Variants in TDRD9 observed in about 807,000 individuals in gnomAD.
The protein encoded by TDRD9 is tudor domain containing 9.
In TDRD9, 124 loss-of-function variants were observed where a neutral mutation model predicts 172.6. The observed-to-expected ratio is 0.72, with a 90% CI of 0.62 to 0.83. The LOEUF is 0.83. Among genes scored for constraint, TDRD9 ranks in the 40% least tolerant of loss-of-function variants. The probability of loss-of-function intolerance (pLI) is 0.00; values close to 1 mark genes in which losing one functional copy is unlikely to be tolerated. For synonymous variants in TDRD9, 619 were observed against 617.1 expected (o/e 1.00, Z -0.05); for missense variants, 1,479 against 1,714.1 (o/e 0.86, Z 2.42).
At chr14:104,030,311 G>C (rs551835511) in intron 28 of TDRD9, among the ~76,000 whole-genome samples, 4 of 152,158 alleles carry the variant, frequency 2.6e-5, no homozygotes, top group Non-Finnish European at 1.5e-5. Context: ...TGACCAACAC[G>C]GTGAAATCCC....
At chr14:103,983,147 T>C (rs185924368) in intron 7 of TDRD9, among the ~76,000 whole-genome samples, 3 of 139,652 alleles carry the variant, frequency 2.1e-5, no homozygotes, top group African/African-American at 8.1e-5. Flanking sequence ...CATTGTAACC[T>C]CTGCCTCCCA....
intron 34 of TDRD9, among the ~76,000 whole-genome samples, chr14:104,042,753 T>C (rs1197979010): frequency 6.6e-6 from 1 of 152,120 alleles, no homozygotes; most frequent in Non-Finnish European, 1.5e-5. Flanking sequence ...TACCCAGTCC[T>C]GTGCTCCTGC....
Position 104,006,638 on chromosome 14 carries a change from A to G in TDRD9, c.1880-8A>G, listed in dbSNP as rs368134009. 1.8e-5 allele frequency: 29 copies of G among 1,613,532 alleles called. No homozygotes were observed. The African/African-American group carries it at 3.5e-4, about 19-fold the overall frequency. ...CTTACATTCTTCTTGTTTATTTTTT[A>G]TGGTTAGCGGCAGCTCTTTCTTTGA... On this transcript the variant is annotated splice_region_variant and splice_polypyrimidine_tract_variant and intron_variant, in intron 16 of 35. Coordinates refer to ENST00000409874, the MANE Select transcript of TDRD9 (RefSeq NM_153046.3).
chr14:104,011,888 G>T (rs747538595), intron 20 of TDRD9, among the ~76,000 whole-genome samples: 4 of 152,106 alleles, frequency 2.6e-5, no homozygotes, highest in Non-Finnish European at 4.4e-5. Flanking sequence ...TTTAGCCAAA[G>T]GATATGGATT....
rs183253397 is a variant in TDRD9, at chr14:103,992,849, T to C, written c.1181-1483T>C. 2.1e-3 allele frequency among the ~76,000 whole-genome samples: 280 copies of C among 130,678 alleles called. 10 individuals are homozygous for C. In the East Asian group the frequency reaches 0.056, roughly 26 times the overall value. The allele number at this position is 130,678 out of a possible 152,430, so 85.7% of individuals were successfully genotyped here. A position where few individuals can be genotyped will look rare whatever the true frequency, so the allele number is the denominator to read the frequency against. On this transcript the variant is annotated intron_variant, in intron 9 of 35. Transcript: ENST00000409874. ...CTGAGGCAGGAGAATGGCATGAACC[T>C]GGGAGGCGGAGCTTGCAGTGAGCCG... is the stretch of plus-strand genomic sequence containing the variant.
At chr14:103,953,832 G>A (rs532655969) in intron 1 of TDRD9, among the ~76,000 whole-genome samples, 2 of 152,158 alleles carry the variant, frequency 1.3e-5, no homozygotes, top group African/African-American at 4.8e-5. Context: ...TGTTCTGCCC[G>A]GGTGGACTCT....
rs760340664 is a variant in TDRD9, at chr14:104,014,809, G to C, written c.2191G>C (p.Glu731Gln). 6 of 1,610,786 alleles carry C rather than the reference G, an allele frequency of 3.7e-6. No individual in the cohort carries two copies. The East Asian group carries it at 1.3e-4, about 36-fold the overall frequency. ...TTCTCGGCGACCTGTCATGGACCAA[G>C]AGTATATATATAAGCAGCGATTCAT... ...VDSRRPVMDQ[E>Q]YIYKQRFILQ... The change falls in exon 21 of 36, where the codon GAG (glutamate) becomes CAG (glutamine). Residue 731 changes from glutamate (E) to glutamine (Q), a missense_variant. Glu to Gln is a conservative substitution (Grantham distance 29). Transcript: ENST00000409874.
intron 14 of TDRD9, among the ~76,000 whole-genome samples, chr14:104,004,666 A>G (rs2034377929): frequency 6.6e-6 from 1 of 152,102 alleles, no homozygotes; most frequent in Non-Finnish European, 1.5e-5. Flanking sequence ...TTTTGTAGAT[A>G]GTTTTGCCAA....
intron 13 of TDRD9, among the ~76,000 whole-genome samples, chr14:104,001,199 T>A (rs2034248651): frequency 6.6e-6 from 1 of 152,214 alleles, no homozygotes; most frequent in Non-Finnish European, 1.5e-5. Context: ...TATGCAGGGG[T>A]GGCCCTGTGC....
At chr14:104,002,523 G>T (rs181180694) in intron 13 of TDRD9, among the ~76,000 whole-genome samples, 4 of 152,224 alleles carry the variant, frequency 2.6e-5, no homozygotes, top group African/African-American at 9.6e-5. Context: ...TGGCCGAATT[G>T]ACTACACCTG....
At chr14:104,022,896 C>T (rs2035005939) in intron 24 of TDRD9, among the ~76,000 whole-genome samples, 1 of 151,694 alleles carries the variant, frequency 6.6e-6, no homozygotes, top group Non-Finnish European at 1.5e-5. Context: ...AGAAATGATA[C>T]CAGCCGGGTG....
chr14:103,993,077 T>A (rs2033933192), intron 9 of TDRD9, among the ~76,000 whole-genome samples: 1 of 151,934 alleles, frequency 6.6e-6, no homozygotes, highest in South Asian at 2.1e-4. Flanking sequence ...TGAAGTGATA[T>A]TTCCACCTCA....
chr14:103,984,912 A>G (rs2033606930), intron 7 of TDRD9, among the ~76,000 whole-genome samples: 1 of 152,240 alleles, frequency 6.6e-6, no homozygotes, highest in African/African-American at 2.4e-5. Flanking sequence ...CAGCTCTTGC[A>G]TCAGTGTGAC....
chr14:103,955,879 G>GT, intron 2 of TDRD9, 109 bp downstream of exon 2: 1 of 900,214 alleles, frequency 1.1e-6, no homozygotes, highest in Non-Finnish European at 1.7e-6. Context: ...GGAGGCTGAG[G>GT]TGGGAGGATC....
chr14:104,012,780 C>A (rs866033560), intron 20 of TDRD9, among the ~76,000 whole-genome samples: 5 of 152,112 alleles, frequency 3.3e-5, no homozygotes, highest in Admixed American at 1.3e-4. Flanking sequence ...GTCTCCCAGA[C>A]TGGAATGCAG....
At chr14:104,014,395 T>A (rs2034718142) in intron 20 of TDRD9, among the ~76,000 whole-genome samples, 1 of 151,838 alleles carries the variant, frequency 6.6e-6, no homozygotes, top group Non-Finnish European at 1.5e-5. Flanking sequence ...TCCTCCCATC[T>A]CAGCCTCCCA....
In TDRD9 at chr14:104,032,005, T is replaced by C; in HGVS notation, c.3439-12T>C. On this transcript the variant is annotated splice_polypyrimidine_tract_variant and intron_variant, in intron 29 of 35. Transcript: ENST00000409874. ...GCTTATTGGTAACACTTCCTATATT[T>C]TGTGCACGCAGGCAGAACTTCACGG... The C allele has an allele frequency of 6.5e-7, 1 of 1,539,732 alleles. No homozygotes were observed.
chr14:103,965,800 C>T (rs2032716196), intron 4 of TDRD9, among the ~76,000 whole-genome samples: 1 of 151,402 alleles, frequency 6.6e-6, no homozygotes, highest in Admixed American at 6.6e-5. Context: ...CAAAAATTAG[C>T]CGGATGTGGT....
At chr14:103,938,040 C>G (rs537544702) in intron 1 of TDRD9, among the ~76,000 whole-genome samples, 10 of 151,956 alleles carry the variant, frequency 6.6e-5, no homozygotes, top group Non-Finnish European at 1.5e-5. Flanking sequence ...TGCCAATGAG[C>G]AAGCCATTGG....
Sources: allele counts gnomAD v4.1 joint callset (sites outside exome capture counted in the v4.1 genomes callset), GRCh38; gene constraint gnomAD v4.1.1; transcripts MANE v1.5; gene names NCBI Gene and HGNC (gene_info 2026-07-23, HGNC 2026-07-21).